Variants in NLRP4 observed in about 807,000 individuals in gnomAD.
NLRP4 encodes the protein NACHT, LRR and PYD domains-containing protein 4.
Under a neutral mutation model 84.7 loss-of-function variants are expected in NLRP4, and 44 were observed. That is an observed-to-expected ratio of 0.52 (90% CI 0.41 to 0.67). The LOEUF (loss-of-function observed/expected upper bound fraction) is 0.67, where lower values mean the gene tolerates loss of function less well. Among genes scored for constraint, NLRP4 ranks in the 30% least tolerant of loss-of-function variants. NLRP4 has a pLI of 0.00. For synonymous variants in NLRP4, 544 were observed against 476.4 expected (o/e 1.14, Z -1.85); for missense variants, 1,260 against 1,219.4 (o/e 1.03, Z -0.50).
chr19:55,858,794 G>T lies in NLRP4; in HGVS notation c.1401G>T (p.Lys467Asn). 1 of 1,614,166 alleles carries T rather than the reference G, an allele frequency of 6.2e-7. No individual in the cohort carries two copies. Among genetic ancestry groups the T allele is most frequent in the Non-Finnish European group, 8.5e-7 (1 of 1,180,030 alleles). ...GTGCCGCCTTGTTCTATTTGCTCAAGAGCCACCTTGATCATCCTCACCCAG... is the reference window on the plus strand; with the variant it reads ...GTGCCGCCTTGTTCTATTTGCTCAATAGCCACCTTGATCATCCTCACCCAG... The part of the protein sequence containing the change: ...EFCAALFYLL[K>N]SHLDHPHPAV... Residue 467 changes from lysine to asparagine, a missense_variant, in exon 3 of 10, where the codon AAG becomes AAT. Around this residue, in one of 3 missense-constraint regions of NLRP4, gnomAD observed 712 missense variants for 669.2 expected, o/e 1.06. Transcript: ENST00000301295. The surrounding 1 kb of genome is among the most constrained non-coding windows in gnomAD (Gnocchi z 4.2).
Position 55,858,843 on chromosome 19 carries a change from C to G in NLRP4, c.1450C>G (p.Leu484Val). 1 of 1,614,130 alleles carries G rather than the reference C, an allele frequency of 6.2e-7. No individual in the cohort carries two copies. Among genetic ancestry groups the G allele is most frequent in the South Asian group, 1.1e-5 (1 of 91,078 alleles). Residue 484 changes from leucine to valine, a missense_variant, in exon 3 of 10, where the codon CTA becomes GTA. Physicochemically the swap from Leu to Val is conservative, Grantham distance 32. Around this residue, in one of 3 missense-constraint regions of NLRP4, gnomAD observed 712 missense variants for 669.2 expected, o/e 1.06. Transcript: ENST00000301295. The surrounding 1 kb of genome is among the most constrained non-coding windows in gnomAD (Gnocchi z 4.2). ...HPAVRCVQEL[L>V]VANFEKARRA... ...AGCTGTGAGATGTGTACAGGAATTG[C>G]TAGTTGCCAATTTTGAAAAAGCAAG... is the stretch of plus-strand genomic sequence containing the variant.
intron 1 of NLRP4, among the ~76,000 whole-genome samples, chr19:55,850,211 GTGGCTGCGGTGTAATT>G: frequency 7.0e-6 from 1 of 142,302 alleles, no homozygotes; most frequent in African/African-American, 2.9e-5. Flanking sequence ...TGTAATTTCC[GTGGCTGCGGTGTAATT>G]TCCGTGGCTG....
chr19:55,877,698 T>C (rs4801639), intron 8 of NLRP4, among the ~76,000 whole-genome samples: 62,385 of 151,904 alleles, frequency 0.41, 13,076 homozygotes, highest in East Asian at 0.6. Context: ...AGAATCTGCT[T>C]CAGGCCCTTC....
At chr19:55,843,405 C>G (rs1600218541) in intron 1 of NLRP4, among the ~76,000 whole-genome samples, 1 of 151,948 alleles carries the variant, frequency 6.6e-6, no homozygotes, top group Middle Eastern at 3.4e-3. Flanking sequence ...TAGAAACATC[C>G]AGGCCAGGCA....
intron 5 of NLRP4, among the ~76,000 whole-genome samples, chr19:55,865,676 G>A (rs1027164589): frequency 1.3e-5 from 2 of 152,086 alleles, no homozygotes; most frequent in Non-Finnish European, 2.9e-5. Context: ...GTGTGAGATG[G>A]TATCTCATTG....
At chr19:55,842,950 G>A (rs1056304271) in intron 1 of NLRP4, among the ~76,000 whole-genome samples, 4 of 151,034 alleles carry the variant, frequency 2.6e-5, no homozygotes, top group African/African-American at 7.3e-5. Context: ...TAGTAGAGAT[G>A]GGGTTTCACC....
At chr19:55,848,459 A>G (rs10421934) in intron 1 of NLRP4, among the ~76,000 whole-genome samples, 17,556 of 152,094 alleles carry the variant, frequency 0.12, 1,422 homozygotes, top group African/African-American at 0.23. Flanking sequence ...GCTAGAGTGC[A>G]GTGGCACGAT....
At chr19:55,880,060 C>T (rs1439694024) in intron 9 of NLRP4, among the ~76,000 whole-genome samples, 1 of 151,822 alleles carries the variant, frequency 6.6e-6, no homozygotes, top group Non-Finnish European at 1.5e-5. Context: ...TGTTTTCAAA[C>T]CAATATGAGA....
chr19:55,849,743 A>T (rs1381052468), intron 1 of NLRP4, among the ~76,000 whole-genome samples: 1 of 152,258 alleles, frequency 6.6e-6, no homozygotes, highest in Non-Finnish European at 1.5e-5. Context: ...TGTAATTTCT[A>T]TATTTAAAAG....
chr19:55,863,836 C>A (rs545653772), intron 5 of NLRP4, among the ~76,000 whole-genome samples: 22 of 152,088 alleles, frequency 1.4e-4, no homozygotes, highest in Admixed American at 4.6e-4. Flanking sequence ...TGTTTTAATT[C>A]AAGCATTTTT....
In NLRP4 at chr19:55,843,054, T is replaced by C. The variant is rs150529663; in HGVS notation, c.-66+6120T>C. On this transcript the variant is annotated intron_variant, in intron 1 of 9. Transcript: ENST00000301295. ...GATTACAGGCGTCAGCCACCGTGCC[T>C]GGCCTTATTTCTTAAAGATTATTTT... 6.4e-3 allele frequency among the ~76,000 whole-genome samples: 970 copies of C among 152,294 alleles called. 5 individuals carry two copies. The highest frequency in any genetic ancestry group is 0.014 in the Middle Eastern group (4 of 294).
In NLRP4 at chr19:55,858,388, A is replaced by G. The variant is rs754925767; in HGVS notation, c.995A>G (p.Glu332Gly). The G allele has an allele frequency of 1.2e-6, 2 of 1,614,210 alleles. No individual in the cohort carries two copies. Among genetic ancestry groups the G allele is most frequent in the South Asian group, 2.2e-5 (2 of 91,090 alleles). ...GCCTTCAATCTTGTAAGAGAAAGTG[A>G]ACAGCTGTTTTCCATATGCCAAATC... ...MEAFNLVRESEQLFSICQIPL... is the reference protein window; with the variant it reads ...MEAFNLVRESGQLFSICQIPL... Residue 332 changes from glutamate to glycine, a missense_variant, in exon 3 of 10, where the codon GAA (glutamate) becomes GGA (glycine). Glu to Gly is a moderately conservative substitution (Grantham distance 98). Around this residue, in one of 3 missense-constraint regions of NLRP4, gnomAD observed 712 missense variants for 669.2 expected, o/e 1.06. Transcript: ENST00000301295. The surrounding 1 kb of genome is among the most constrained non-coding windows in gnomAD (Gnocchi z 4.2).
rs1410613194 is a variant in NLRP4 at position 55,867,811 on chromosome 19, A to G, written c.2289A>G (p.Leu763=). ...LTYLNVSCNQ[L]DTGVPLLCEA... is the part of the protein sequence containing the mutation. ...ATCTGAATGTATCCTGCAACCAGTT[A>G]GACACAGGCGTGCCCCTTTTGTGTG... Residue 763 remains leucine, a synonymous_variant, in exon 6 of 10, where the codon TTA becomes TTG. Transcript: ENST00000301295. 6.2e-7 allele frequency: 1 copy of G among 1,614,076 alleles called. No individual in the cohort carries two copies. The highest frequency in any genetic ancestry group is 1.3e-5 in the African/African-American group (1 of 74,942).
At chr19:55,869,905 A>G (rs928351312) in intron 6 of NLRP4, among the ~76,000 whole-genome samples, 6 of 152,232 alleles carry the variant, frequency 3.9e-5, no homozygotes, top group South Asian at 4.1e-4. Flanking sequence ...CCTGGGCACC[A>G]TGATGAAACC....
At chr19:55,873,555 G>A (rs1985266917) in intron 7 of NLRP4, among the ~76,000 whole-genome samples, 1 of 152,068 alleles carries the variant, frequency 6.6e-6, no homozygotes, top group African/African-American at 2.4e-5. Context: ...GTGAGGTTGT[G>A]GTTGTACAAC....
At chr19:55,854,399 C>T (rs1406133709) in intron 2 of NLRP4, among the ~76,000 whole-genome samples, 4 of 151,916 alleles carry the variant, frequency 2.6e-5, no homozygotes, top group Non-Finnish European at 2.9e-5. Flanking sequence ...TAAAATTTGC[C>T]TGAAGATTTT....
chr19:55,856,386 C>G (rs1005104375), intron 2 of NLRP4, among the ~76,000 whole-genome samples: 4 of 152,086 alleles, frequency 2.6e-5, no homozygotes, highest in African/African-American at 7.2e-5. Flanking sequence ...AGAAGATAGA[C>G]TCCACTCCCC....
At position 55,877,134 on chromosome 19, in the gene NLRP4, G is replaced by C; in HGVS notation, c.2664G>C (p.Leu888=). 1 of 1,614,030 alleles carries C rather than the reference G, an allele frequency of 6.2e-7. No individual in the cohort carries two copies. The highest frequency in any genetic ancestry group is 8.5e-7 in the Non-Finnish European group (1 of 1,179,920). ...DVGVQLLCRA[L]THTDCRLEIL... The stretch of plus-strand genomic sequence containing the variant: ...GTGTGCAGCTGTTGTGTCGGGCTCT[G>C]ACGCATACGGATTGCCGCTTAGAGA... Residue 888 remains leucine (L), a synonymous_variant, in exon 8 of 10, where the codon CTG becomes CTC. Transcript: ENST00000301295.
intron 7 of NLRP4, among the ~76,000 whole-genome samples, chr19:55,871,942 C>G (rs769398183): frequency 6.6e-6 from 1 of 151,834 alleles, no homozygotes; most frequent in Non-Finnish European, 1.5e-5. Context: ...TGCTGCCTCC[C>G]GGGTTCACGC....
Sources: allele counts gnomAD v4.1 joint callset (sites outside exome capture counted in the v4.1 genomes callset), GRCh38; gene constraint gnomAD v4.1.1; regional missense constraint gnomAD v4.1.1; non-coding constraint Gnocchi (gnomAD v3.1); transcripts MANE v1.5; gene names NCBI Gene and HGNC (gene_info 2026-07-23, HGNC 2026-07-21).